Variants in STARD13 observed in about 807,000 individuals in gnomAD.
STARD13 encodes the protein StAR related lipid transfer domain containing 13, also known as stAR-related lipid transfer protein 13.
STARD13 carries 62 observed loss-of-function variants against 106.4 expected under a neutral mutation model. The ratio of observed to expected loss-of-function variants is 0.58; its 90% CI spans 0.48 to 0.72. The LOEUF is 0.72. Ranked by LOEUF, STARD13 falls within the 30% of genes least tolerant of loss-of-function variation. STARD13 has a pLI of 0.00. For missense variants in STARD13, 1,387 were observed against 1,424.0 expected, an observed-to-expected ratio of 0.97 and a Z score of 0.42; for synonymous variants, 565 against 553.0, an observed-to-expected ratio of 1.02 and a Z score of -0.31.
chr13:33,434,665 G>T, the STARD13 span, among the ~76,000 whole-genome samples: 4 of 151,918 alleles, frequency 2.6e-5, no homozygotes, highest in Non-Finnish European at 2.9e-5. Context: ...TGCAAAGAGG[G>T]CCACAAAGCC....
chr13:33,105,628 G>T lies in STARD13; in HGVS notation c.3307C>A (p.Pro1103Thr). ...EVARIRNSFQ[P>T]LIAEGPETKI ...GTTTCTGGGCCCTCAGCAATGAGGGGCTGGAAAGAGTTTCTAATCCTGGCA... is the reference window on the plus strand; with the variant it reads ...GTTTCTGGGCCCTCAGCAATGAGGGTCTGGAAAGAGTTTCTAATCCTGGCA... The change falls in exon 14 of 14, where the codon CCC becomes ACC. Residue 1103 changes from proline (P) to threonine (T), a missense_variant. Physicochemically the swap from Pro to Thr is conservative, Grantham distance 38. Transcript: ENST00000336934. The T allele has an allele frequency of 6.2e-7, 1 of 1,614,044 alleles. No homozygotes were observed. Among genetic ancestry groups the T allele is most frequent in the Admixed American group, 1.7e-5 (1 of 60,022 alleles).
intron 1 of STARD13, among the ~76,000 whole-genome samples, chr13:33,341,650 C>A (rs770759482): frequency 6.6e-6 from 1 of 151,896 alleles, no homozygotes; most frequent in Non-Finnish European, 1.5e-5. Context: ...TGGGCTTGTG[C>A]CTCTTATTCA....
chr13:33,642,794 A>G, the STARD13 span, among the ~76,000 whole-genome samples: 1 of 151,388 alleles, frequency 6.6e-6, no homozygotes, highest in East Asian at 2.0e-4. Flanking sequence ...GGGCTGTGAG[A>G]TCCCCAGATA....
the STARD13 span, among the ~76,000 whole-genome samples, chr13:33,440,010 C>T: frequency 6.6e-6 from 1 of 152,194 alleles, no homozygotes; most frequent in Non-Finnish European, 1.5e-5. Context: ...TGCAGTGGCT[C>T]ATGCCTGTAA....
chr13:33,542,130 A>C, the STARD13 span, among the ~76,000 whole-genome samples: 1 of 152,218 alleles, frequency 6.6e-6, no homozygotes, highest in African/African-American at 2.4e-5. Context: ...TAATTTGAAA[A>C]TGTTTTTGGT....
chr13:33,491,641 A>G, the STARD13 span, among the ~76,000 whole-genome samples: 1 of 152,226 alleles, frequency 6.6e-6, no homozygotes, highest in African/African-American at 2.4e-5. Flanking sequence ...TCATAAAAAA[A>G]TGGTTTATAA....
the STARD13 span, among the ~76,000 whole-genome samples, chr13:33,446,408 G>A: frequency 6.6e-6 from 1 of 151,510 alleles, no homozygotes; most frequent in Non-Finnish European, 1.5e-5. Flanking sequence ...ATATGACTAC[G>A]TGATGAAAGC....
chr13:33,669,813 C>T, the STARD13 span, among the ~76,000 whole-genome samples: 16 of 152,044 alleles, frequency 1.1e-4, no homozygotes, highest in South Asian at 6.2e-4. Context: ...GGATTACAGG[C>T]GTGAGCCACC....
chr13:33,648,764 CT>C, the STARD13 span, among the ~76,000 whole-genome samples: 1 of 127,968 alleles, frequency 7.8e-6, no homozygotes. Context: ...TTATGATGCT[CT>C]TTTTTTCTTT....
chr13:33,351,601 A>C (rs2078079806), upstream of STARD13, among the ~76,000 whole-genome samples: 1 of 152,224 alleles, frequency 6.6e-6, no homozygotes, highest in South Asian at 2.1e-4. Flanking sequence ...ACATTTAACT[A>C]ATTCAGAGAT....
intron 8 of STARD13, 152 bp from the exon 9 acceptor site, chr13:33,113,083 G>A (rs1423259484): frequency 1.7e-6 from 1 of 581,124 alleles, no homozygotes. Flanking sequence ...GCACAAAGAA[G>A]TCAGTAATTG....
the STARD13 span, among the ~76,000 whole-genome samples, chr13:33,613,131 GC>G: frequency 3.9e-5 from 6 of 152,216 alleles, no homozygotes; most frequent in African/African-American, 1.4e-4. Context: ...GATGGTTCCT[GC>G]CTTCAAGCAG....
the STARD13 span, among the ~76,000 whole-genome samples, chr13:33,650,164 A>ATGTTTTTTTT: frequency 7.6e-4 from 37 of 48,380 alleles, 4 homozygotes; most frequent in East Asian, 9.5e-3. Context: ...CGTGACTCCA[A>ATGTTTTTTTT]TTTTTTTTTT....
chr13:33,243,999 GT>G (rs1412559610), intron 1 of STARD13, among the ~76,000 whole-genome samples: 1 of 146,014 alleles, frequency 6.8e-6, no homozygotes, highest in African/African-American at 2.5e-5. Flanking sequence ...AACCAGAAGT[GT>G]TTCAGATTCC....
chr13:33,363,777 T>C, the STARD13 span, among the ~76,000 whole-genome samples: 1 of 152,198 alleles, frequency 6.6e-6, no homozygotes, highest in African/African-American at 2.4e-5. Flanking sequence ...GGATTTTTAA[T>C]GTCTGCATCC....
chr13:33,385,218 A>AATATGAATATATAAATATATATATATAT, the STARD13 span, among the ~76,000 whole-genome samples: 1 of 33,568 alleles, frequency 3.0e-5, no homozygotes, highest in Non-Finnish European at 6.7e-5. Flanking sequence ...AAAGGTTCGG[A>AATATGAATATATAAATATATATATATAT]ATATATATAT....
chr13:33,575,718 C>T, the STARD13 span, among the ~76,000 whole-genome samples: 1 of 152,014 alleles, frequency 6.6e-6, no homozygotes, highest in African/African-American at 2.4e-5. Flanking sequence ...TGTGTGCTTC[C>T]CCTTTGGTCT....
At chr13:33,675,771 T>C in the STARD13 span, among the ~76,000 whole-genome samples, 2 of 152,186 alleles carry the variant, frequency 1.3e-5, no homozygotes, top group Non-Finnish European at 2.9e-5. Context: ...ATCATCTACG[T>C]CTTCTCTTTT....
intron 3 of STARD13, among the ~76,000 whole-genome samples, chr13:33,165,025 C>T (rs1883158934): frequency 6.6e-6 from 1 of 152,104 alleles, no homozygotes; most frequent in African/African-American, 2.4e-5. Flanking sequence ...TTTAGCTTGA[C>T]CATAGCATTT....
Sources: gnomAD v4.1 joint callset for allele counts (sites outside exome capture counted in the v4.1 genomes callset) on GRCh38, gnomAD v4.1.1 for gene constraint, MANE v1.5 for transcripts, NCBI Gene and HGNC (gene_info 2026-07-23, HGNC 2026-07-21) for gene names.